The following FYB2 variants were observed in gnomAD, a reference collection of about 807,000 sequenced individuals.
The protein encoded by FYB2 is FYN binding protein 2, also known as FYN-binding protein 2.
Under a neutral mutation model 94.1 loss-of-function variants are expected in FYB2, and 103 were observed. That is an observed-to-expected ratio of 1.09 (90% CI 0.93 to 1.29). The LOEUF (loss-of-function observed/expected upper bound fraction) is 1.29, where lower values mean the gene tolerates loss of function less well. Ranked by LOEUF, FYB2 falls within the 50% of genes most tolerant of loss-of-function variation. FYB2 has a pLI of 0.00. For missense variants in FYB2, 896 were observed against 841.5 expected (o/e 1.06, Z -0.80); for synonymous variants, 293 against 287.9 (o/e 1.02, Z -0.18).
intron 17 of FYB2, 91 bp downstream of exon 17, chr1:56,723,497 G>A: frequency 1.5e-6 from 1 of 655,260 alleles, no homozygotes; most frequent in Admixed American, 3.7e-5. Context: ...TCTCAGAGAG[G>A]CAGAGGCACA....
At chr1:56,727,757 T>C (rs1475382621) in intron 15 of FYB2, among the ~76,000 whole-genome samples, 2 of 152,206 alleles carry the variant, frequency 1.3e-5, no homozygotes, top group East Asian at 3.9e-4. Context: ...TTCTAGTTCT[T>C]AAGTCGAATG....
chr1:56,776,448 G>C (rs960233622), intron 4 of FYB2, among the ~76,000 whole-genome samples: 1 of 152,212 alleles, frequency 6.6e-6, no homozygotes, highest in East Asian at 1.9e-4. Context: ...TGTCTTCTAA[G>C]TGTTTTAGGA....
intron 1 of FYB2, among the ~76,000 whole-genome samples, chr1:56,795,371 A>G (rs1301759152): frequency 6.6e-6 from 1 of 152,146 alleles, no homozygotes; most frequent in Non-Finnish European, 1.5e-5. Context: ...CTGTTTATCC[A>G]TTCATCCGTC....
chr1:56,757,690 C>CCTTCTTTT (rs1218633074), intron 6 of FYB2, among the ~76,000 whole-genome samples: 2,301 of 53,846 alleles, frequency 0.043, 111 homozygotes, highest in African/African-American at 0.065. Flanking sequence ...TTCCTTCCTT[C>CCTTCTTTT]TTTCTTTCTT....
At chr1:56,764,044 G>A (rs1190009169) in intron 5 of FYB2, among the ~76,000 whole-genome samples, 2 of 151,604 alleles carry the variant, frequency 1.3e-5, no homozygotes, top group Non-Finnish European at 2.9e-5. Flanking sequence ...TCTGCCTCCT[G>A]GGTTCAAGAG....
intron 9 of FYB2, among the ~76,000 whole-genome samples, chr1:56,748,386 C>T (rs945657442): frequency 3.3e-5 from 5 of 151,926 alleles, no homozygotes; most frequent in Non-Finnish European, 5.9e-5. Context: ...TTAAGTTTTC[C>T]ATTTAAGTCT....
At chr1:56,736,986 T>C in intron 15 of FYB2, 101 bp downstream of exon 15, 1 of 895,132 alleles carries the variant, frequency 1.1e-6, no homozygotes, top group South Asian at 1.6e-5. Flanking sequence ...TTTCATTCAA[T>C]CTCCAAGGAT....
intron 1 of FYB2, among the ~76,000 whole-genome samples, chr1:56,810,879 T>C (rs137998410): frequency 6.6e-6 from 1 of 152,344 alleles, no homozygotes; most frequent in East Asian, 1.9e-4. Flanking sequence ...TTGGAATACA[T>C]TGCCCCTTTC....
At chr1:56,803,656 A>G (rs965056728) in intron 1 of FYB2, among the ~76,000 whole-genome samples, 3 of 152,202 alleles carry the variant, frequency 2.0e-5, no homozygotes, top group Middle Eastern at 3.2e-3. Flanking sequence ...ACAAGTATCT[A>G]TCAGTTAAAG....
At chr1:56,724,775 A>C (rs966862690) in intron 16 of FYB2, among the ~76,000 whole-genome samples, 2 of 151,980 alleles carry the variant, frequency 1.3e-5, no homozygotes, top group Admixed American at 1.3e-4. Context: ...AAAGTGGGTT[A>C]TCCTTTTCAT....
chr1:56,794,300 G>C (rs1290369399), intron 1 of FYB2, among the ~76,000 whole-genome samples: 6 of 152,132 alleles, frequency 3.9e-5, no homozygotes, highest in Non-Finnish European at 7.3e-5. Context: ...CTTCCTGCTG[G>C]TCCTTCTTCC....
chr1:56,762,948 T>A (rs542147426), intron 5 of FYB2, among the ~76,000 whole-genome samples: 3 of 152,326 alleles, frequency 2.0e-5, no homozygotes, highest in Admixed American at 6.5e-5. Flanking sequence ...GACAGTTTTT[T>A]AAATCATAAA....
At chr1:56,756,392 T>C (rs1297205320) in intron 6 of FYB2, among the ~76,000 whole-genome samples, 1 of 152,122 alleles carries the variant, frequency 6.6e-6, no homozygotes, top group Non-Finnish European at 1.5e-5. Context: ...TTTGGCTCCA[T>C]TAAAATTATG....
At position 56,719,673 on chromosome 1, in the gene FYB2, A is replaced by C; in HGVS notation, c.2185T>G (p.Ter729GluextTer44). ...LDFKHQSWSP[*>E] ...CATAGCATTTGATCTTGATTTTTCT[A>C]AGGTGACCAACTTTGATGCCTGTGA... Residue 729 changes from the stop codon to glutamate (E), a stop_lost, in exon 20 of 20, where the codon TAG becomes GAG. Coordinates refer to ENST00000343433, the MANE Select transcript of FYB2 (RefSeq NM_001004303.5). The C allele has an allele frequency of 6.3e-7, 1 of 1,597,374 alleles. No homozygotes were observed.
chr1:56,753,594 G>A (rs1645252964), intron 8 of FYB2, among the ~76,000 whole-genome samples: 2 of 152,078 alleles, frequency 1.3e-5, no homozygotes, highest in Admixed American at 1.3e-4. Context: ...TTTGCACCCT[G>A]GGTTTCTTGT....
Position 56,819,202 on chromosome 1 carries a change from C to G in FYB2, c.9+80G>C. 3 of 1,590,892 alleles carry G rather than the reference C, an allele frequency of 1.9e-6. No individual in the cohort carries two copies. The East Asian group carries it at 6.8e-5, about 36-fold the overall frequency. The stretch of plus-strand genomic sequence containing the variant: ...GGCAGCACACACAAGCAGTTTTTCC[C>G]CAGGGCTCTCAAGTGGGAGGAACTT... On this transcript the variant is annotated intron_variant, in intron 1 of 19. Coordinates refer to ENST00000343433, the MANE Select transcript of FYB2 (RefSeq NM_001004303.5).
Position 56,802,330 on chromosome 1 carries a change from C to T in FYB2, c.10-9527G>A, listed in dbSNP as rs536399416. Among the ~76,000 whole-genome samples the T allele has an allele frequency of 1.4e-4, 22 of 152,212 alleles. No individual in the cohort carries two copies. The South Asian group carries it at 3.9e-3, about 27-fold the overall frequency. On this transcript the variant is annotated intron_variant, in intron 1 of 19. Coordinates refer to ENST00000343433, the MANE Select transcript of FYB2 (RefSeq NM_001004303.5). The stretch of plus-strand genomic sequence containing the variant: ...GGCTGATAGCTGGGCTGGAGCAATT[C>T]GAAACACTTCATCCCCATTTAGTGA...
At chr1:56,757,081 A>G (rs904496962) in intron 6 of FYB2, among the ~76,000 whole-genome samples, 1 of 152,164 alleles carries the variant, frequency 6.6e-6, no homozygotes, top group African/African-American at 2.4e-5. Flanking sequence ...AAATACAGAG[A>G]TAAACACAAA....
intron 4 of FYB2, 75 bp downstream of exon 4, chr1:56,787,100 T>C (rs1376399981): frequency 4.0e-6 from 6 of 1,509,942 alleles, no homozygotes; most frequent in East Asian, 2.3e-5. Context: ...TTTGTGCTAA[T>C]TGCCTGCTCT....
Sources: allele counts gnomAD v4.1 joint callset (sites outside exome capture counted in the v4.1 genomes callset), GRCh38; gene constraint gnomAD v4.1.1; transcripts MANE v1.5; gene names NCBI Gene and HGNC (gene_info 2026-07-23, HGNC 2026-07-21).